The following PAK2 variants were observed in gnomAD, a reference collection of about 807,000 sequenced individuals.
PAK2 encodes p21 (RAC1) activated kinase 2, also known as serine/threonine-protein kinase PAK 2.
A neutral mutation model predicts 65.9 loss-of-function variants in PAK2; 21 were observed. That is an observed-to-expected ratio of 0.32 (90% CI 0.23 to 0.46). The LOEUF (loss-of-function observed/expected upper bound fraction) is 0.46. Ranked by LOEUF, PAK2 falls within the 20% of genes least tolerant of loss-of-function variation. The pLI is 1.00. For missense variants in PAK2, 324 were observed against 642.6 expected (o/e 0.50, Z 5.36); for synonymous variants, 204 against 219.7 (o/e 0.93, Z 0.63).
chr3:196,775,348 A>C (rs534937717), intron 1 of PAK2, among the ~76,000 whole-genome samples: 1 of 152,146 alleles, frequency 6.6e-6, no homozygotes, highest in African/African-American at 2.4e-5. Context: ...AAGTTACTGC[A>C]TAGTATACTA....
intron 2 of PAK2, 50 bp from the exon 3 acceptor site, chr3:196,801,877 G>A (rs1467941840): frequency 3.3e-6 from 3 of 919,200 alleles, no homozygotes; most frequent in Admixed American, 4.0e-5. Context: ...GCCTTTACTA[G>A]TCTTGTTTAA....
At chr3:196,799,521 C>A (rs1057174652) in intron 2 of PAK2, among the ~76,000 whole-genome samples, 1 of 152,090 alleles carries the variant, frequency 6.6e-6, no homozygotes, top group Non-Finnish European at 1.5e-5. Context: ...CCAGTTTGGC[C>A]CTCTCCTGCT....
At chr3:196,804,810 T>TATATATATATATAAAC in intron 4 of PAK2, among the ~76,000 whole-genome samples, 1 of 50,346 alleles carries the variant, frequency 2.0e-5, no homozygotes, top group East Asian at 8.5e-4. Flanking sequence ...GTGTGTGATA[T>TATATATATATATAAAC]ATATATATAT....
intron 8 of PAK2, among the ~76,000 whole-genome samples, chr3:196,811,022 C>G (rs998719470): frequency 1.9e-4 from 29 of 151,888 alleles, no homozygotes; most frequent in Admixed American, 3.3e-4. Context: ...GTCTACTGAT[C>G]TTCTGATTTT....
intron 13 of PAK2, among the ~76,000 whole-genome samples, chr3:196,826,388 G>C (rs971852577): frequency 2.0e-5 from 3 of 151,484 alleles, no homozygotes; most frequent in African/African-American, 7.3e-5. Flanking sequence ...TAGTCAGGAT[G>C]CTCTCAATCT....
chr3:196,817,803 G>A (rs1711521442), intron 11 of PAK2, among the ~76,000 whole-genome samples: 1 of 152,170 alleles, frequency 6.6e-6, no homozygotes, highest in Non-Finnish European at 1.5e-5. Flanking sequence ...ATGTCTCTGA[G>A]TAAGATCAGA....
intron 5 of PAK2, 105 bp downstream of exon 5, chr3:196,805,488 G>T (rs969808998): frequency 6.8e-6 from 4 of 589,394 alleles, no homozygotes; most frequent in African/African-American, 5.9e-5. Flanking sequence ...AGCCATCAGA[G>T]GTAAATAACT....
At chr3:196,748,878 C>T (rs528808627) in intron 1 of PAK2, among the ~76,000 whole-genome samples, 30 of 152,174 alleles carry the variant, frequency 2.0e-4, no homozygotes, top group African/African-American at 5.5e-4. Flanking sequence ...CAATTATCAC[C>T]ACCATCCATC....
rs1307435482 is a variant in PAK2 at position 196,742,101 on chromosome 3, T to TTC, written c.-22+1945_-22+1946insCT. Among the ~76,000 whole-genome samples, 14 of 138,234 alleles carry TTC rather than the reference T, an allele frequency of 1.0e-4. No individual in the cohort carries two copies. The East Asian group carries it at 1.2e-3, about 12-fold the overall frequency. 90.7% of individuals were successfully genotyped at this position (138,234 alleles called of 152,430 possible). On this transcript the variant is annotated intron_variant, in intron 1 of 14. Coordinates refer to ENST00000327134, the MANE Select transcript of PAK2 (RefSeq NM_002577.4). ...GATGCGGTTAACAATTAATATTTCTTTTTTTTTTTTTTTTTTGAGACGGAG... is the reference window on the plus strand; with the variant it reads ...GATGCGGTTAACAATTAATATTTCTTTCTTTTTTTTTTTTTTTTGAGACGGAG...
chr3:196,740,466 T>G (rs895552649), intron 1 of PAK2, among the ~76,000 whole-genome samples: 2 of 151,774 alleles, frequency 1.3e-5, no homozygotes, highest in African/African-American at 2.4e-5. Flanking sequence ...CGACTCTCGG[T>G]CTTCCCTCCC....
rs1715084504 is a variant in PAK2 at position 196,791,914 on chromosome 3, G to C, written c.187+9081G>C. The stretch of plus-strand genomic sequence containing the variant: ...CACTCCAACCTGGGCGACAGAGCGA[G>C]ACTCCGTCAAAAAAAAAAAAAAAGA... On this transcript the variant is annotated intron_variant, in intron 2 of 14. Coordinates refer to ENST00000327134, the MANE Select transcript of PAK2 (RefSeq NM_002577.4). This position sits in a 1 kb window ranked among gnomAD's most constrained non-coding sequence, Gnocchi z 4.0. Among the ~76,000 whole-genome samples, 1 of 140,102 alleles carries C rather than the reference G, an allele frequency of 7.1e-6. No homozygotes were observed. The highest frequency in any genetic ancestry group is 2.7e-5 in the African/African-American group (1 of 36,592). 91.9% of individuals were successfully genotyped at this position (140,102 alleles called of 152,430 possible).
At chr3:196,802,811 A>T (rs1715460872) in intron 3 of PAK2, among the ~76,000 whole-genome samples, 1 of 152,144 alleles carries the variant, frequency 6.6e-6, no homozygotes, top group Admixed American at 6.5e-5. Context: ...GCACGACTGC[A>T]CTCCAGCCTG....
chr3:196,811,355 C>T (rs1392271272), intron 8 of PAK2, among the ~76,000 whole-genome samples: 4 of 68,216 alleles, frequency 5.9e-5, no homozygotes, highest in South Asian at 5.9e-4. Context: ...CCTTCCTTCC[C>T]TCCCTTCCCT....
At chr3:196,765,376 C>CT (rs1412837558) in intron 1 of PAK2, among the ~76,000 whole-genome samples, 1 of 152,080 alleles carries the variant, frequency 6.6e-6, no homozygotes, top group Non-Finnish European at 1.5e-5. Context: ...GCTCGAACTC[C>CT]TGGCCTCAAG....
In PAK2 at chr3:196,781,518, A is replaced by C. The variant is rs372428250; in HGVS notation, c.-21-1108A>C. 1.1e-4 allele frequency among the ~76,000 whole-genome samples: 16 copies of C among 152,346 alleles called. No homozygotes were observed. In the East Asian group the frequency reaches 1.2e-3, roughly 11 times the overall value. ...CACAGAACCTGAGGGATGTGGCCAC[A>C]CTCAGCCTTTCAGCCATGCTCTGTG... On this transcript the variant is annotated intron_variant, in intron 1 of 14. Transcript: ENST00000327134.
intron 1 of PAK2, among the ~76,000 whole-genome samples, chr3:196,776,013 G>A (rs958246452): frequency 3.3e-5 from 5 of 152,226 alleles, no homozygotes; most frequent in African/African-American, 9.6e-5. Flanking sequence ...TTTGGGGTAT[G>A]TAGGTGAAGG....
chr3:196,746,753 TGA>T (rs1454090699), intron 1 of PAK2, among the ~76,000 whole-genome samples: 1 of 149,382 alleles, frequency 6.7e-6, no homozygotes, highest in Non-Finnish European at 1.5e-5. Context: ...GAGGTTGCAG[TGA>T]GCCGAGATCG....
intron 9 of PAK2, 106 bp downstream of exon 9, chr3:196,812,373 G>C: frequency 2.6e-6 from 2 of 764,206 alleles, no homozygotes; most frequent in Non-Finnish European, 4.8e-6. Flanking sequence ...AGTTGAGCCC[G>C]TTGTAAGAAT....
intron 6 of PAK2, among the ~76,000 whole-genome samples, 200 bp downstream of exon 6, chr3:196,806,886 C>CTT (rs1231638725): frequency 1.3e-5 from 2 of 152,140 alleles, no homozygotes; most frequent in Non-Finnish European, 2.9e-5. Context: ...AATGTGATGT[C>CTT]TTTAAAAGTT....
Sources: gnomAD v4.1 joint callset for allele counts (sites outside exome capture counted in the v4.1 genomes callset) on GRCh38, gnomAD v4.1.1 for gene constraint, Gnocchi (gnomAD v3.1) non-coding constraint, MANE v1.5 for transcripts, NCBI Gene and HGNC (gene_info 2026-07-23, HGNC 2026-07-21) for gene names.